The following DISP2 variants were observed in gnomAD, a reference collection of about 807,000 sequenced individuals.
DISP2 encodes the protein protein dispatched homolog 2.
A neutral mutation model predicts 95.5 loss-of-function variants in DISP2; 59 were observed. The observed-to-expected ratio is 0.62, with a 90% CI of 0.50 to 0.77. DISP2 has a LOEUF of 0.77. Among genes scored for constraint, DISP2 ranks in the 30% least tolerant of loss-of-function variants. The pLI is 0.00. For missense variants in DISP2, 1,752 were observed against 1,854.6 expected, an observed-to-expected ratio of 0.94 and a Z score of 1.02; for synonymous variants, 827 against 815.0, an observed-to-expected ratio of 1.01 and a Z score of -0.25.
At chr15:40,363,519 G>A (rs1889439479) in intron 1 of DISP2, 106 bp from the exon 2 acceptor site, 1 of 829,020 alleles carries the variant, frequency 1.2e-6, no homozygotes, top group Non-Finnish European at 1.8e-6. Context: ...AATCAACCCT[G>A]AGTCCCTGTC....
intron 4 of DISP2, 50 bp downstream of exon 4, chr15:40,364,594 C>G: frequency 6.3e-7 from 1 of 1,595,304 alleles, no homozygotes; most frequent in African/African-American, 1.3e-5. Flanking sequence ...CCACCTTGAC[C>G]CAGCCTGGGG....
rs1332338479 is a variant in DISP2, at chr15:40,365,166, C to A, written c.739C>A (p.Leu247Met). The part of the protein sequence containing the change: ...ELNSSSSHNT[L>M]RPAPRGSAQE... ...CTTCAGCTCGAGCTCCCACAACACT[C>A]TGAGGCCTGCACCCAGAGGCAGTGC... Residue 247 changes from leucine (L) to methionine (M), a missense_variant, in exon 6 of 8, where the codon CTG becomes ATG. Physicochemically the swap from Leu to Met is conservative, Grantham distance 15. Transcript: ENST00000267889. The A allele has an allele frequency of 6.2e-7, 1 of 1,614,120 alleles. No homozygotes were observed. Among genetic ancestry groups the A allele is most frequent in the Admixed American group, 1.7e-5 (1 of 60,014 alleles).
chr15:40,368,711 G>A lies in DISP2; in HGVS notation c.2599G>A (p.Ala867Thr). The A allele has an allele frequency of 1.9e-6, 3 of 1,613,234 alleles. No homozygotes were observed. Among genetic ancestry groups the A allele is most frequent in the Non-Finnish European group, 2.5e-6 (3 of 1,180,022 alleles). ...LCCGHSDFPW[A>T]PQFFLHCLKM... ...CTGCGGCCACTCGGACTTCCCCTGGGCCCCCCAGTTTTTCCTGCACTGCCT... is the reference window on the plus strand; with the variant it reads ...CTGCGGCCACTCGGACTTCCCCTGGACCCCCCAGTTTTTCCTGCACTGCCT... The change falls in exon 8 of 8, where the codon GCC becomes ACC. Residue 867 changes from alanine (A) to threonine (T), a missense_variant. Ala to Thr is a moderately conservative substitution (Grantham distance 58). Transcript: ENST00000267889.
Position 40,364,873 on chromosome 15 carries a change from G to A in DISP2, c.639G>A (p.Lys213=), listed in dbSNP as rs575006837. 9.9e-6 allele frequency: 16 copies of A among 1,614,166 alleles called. No homozygotes were observed. In the South Asian group the frequency reaches 1.4e-4, roughly 14 times the overall value. The change falls in exon 5 of 8, where the codon AAG becomes AAA. Residue 213 remains lysine (K), a synonymous_variant. Transcript: ENST00000267889. The stretch of plus-strand genomic sequence containing the variant: ...CACGGGACACAGACATTGGGAGCAA[G>A]TTAGTGGTCTGGAGAGCACTACAAG... ...FEPRDTDIGS[K]LVVWRALQAL...
chr15:40,360,423 G>A (rs1258681250), intron 1 of DISP2, among the ~76,000 whole-genome samples: 1 of 152,308 alleles, frequency 6.6e-6, no homozygotes, highest in Non-Finnish European at 1.5e-5. Flanking sequence ...CTCTACAGCA[G>A]TCAGAATATG....
Position 40,367,476 on chromosome 15 carries a change from G to A in DISP2, c.1364G>A (p.Arg455Gln), listed in dbSNP as rs374719365. Residue 455 changes from arginine to glutamine, a missense_variant, in exon 8 of 8, where the codon CGG becomes CAG. This residue lies in a region of DISP2 where 732 missense variants were observed against 714.6 expected (regional missense o/e 1.02). Coordinates refer to ENST00000267889, the MANE Select transcript of DISP2 (RefSeq NM_033510.3). ...TCCCTCATGGACATCTACCTGGACC[G>A]GCTGGCCACCCCCTGGGGGCTTGCT... ...GASLMDIYLD[R>Q]LATPWGLADN... The A allele has an allele frequency of 1.7e-4, 282 of 1,613,474 alleles. No homozygotes were observed. The highest frequency in any genetic ancestry group is 2.2e-4 in the Non-Finnish European group (262 of 1,179,968).
chr15:40,373,457 AC>A lies in DISP2; in HGVS notation c.*3140del, dbSNP rs1237274170. 6.6e-6 allele frequency: 1 copy of A among 152,246 alleles called. No individual in the cohort carries two copies. Among genetic ancestry groups the A allele is most frequent in the South Asian group, 2.1e-4 (1 of 4,834 alleles). The allele number at this position is 152,246 out of a possible 1,614,324, so 9.4% of individuals were successfully genotyped here. The stretch of plus-strand genomic sequence containing the variant: ...GATGGCTCATGCCTGTAATCCCAGC[AC>A]TTTGGGAGGCTGAGGCAGGTGGATC... On this transcript the variant is annotated 3_prime_UTR_variant, in exon 8 of 8. Coordinates refer to ENST00000267889, the MANE Select transcript of DISP2 (RefSeq NM_033510.3).
chr15:40,374,014 A>AAAAAAAAAAAAAAAAAATAT lies in DISP2; in HGVS notation c.*3697_*3698insAAAAAAAAAAAAAAAATATA. ...GCGAGACTCCATCTTAAAAAAAAAA[A>AAAAAAAAAAAAAAAAAATAT]ATATATATATATATATATGTAAACT... is the stretch of plus-strand genomic sequence containing the variant. On this transcript the variant is annotated 3_prime_UTR_variant, in exon 8 of 8. Transcript: ENST00000267889. 9.6e-6 allele frequency: 1 copy of AAAAAAAAAAAAAAAAAATAT among 104,196 alleles called. No individual in the cohort carries two copies. Among genetic ancestry groups the AAAAAAAAAAAAAAAAAATAT allele is most frequent in the African/African-American group, 4.2e-5 (1 of 23,942 alleles). The allele number at this position is 104,196 out of a possible 1,614,324, so 6.5% of individuals were successfully genotyped here. A position where few individuals can be genotyped will look rare whatever the true frequency, so the allele number is the denominator to read the frequency against.
In DISP2 at chr15:40,369,526, C is replaced by A; in HGVS notation, c.3414C>A (p.Asp1138Glu). The A allele has an allele frequency of 6.2e-7, 1 of 1,612,942 alleles. No individual in the cohort carries two copies. Among genetic ancestry groups the A allele is most frequent in the Non-Finnish European group, 8.5e-7 (1 of 1,179,992 alleles). ...TGCCATGGGATGCTGGTACTGGGGA[C>A]CCTGGTGGGGAGAAGGCAGGCCGCC... ...AHLPWDAGTG[D>E]PGGEKAGRPR... The change falls in exon 8 of 8, where the codon GAC becomes GAA. Residue 1138 changes from aspartate to glutamate, a missense_variant. Asp to Glu is a conservative substitution (Grantham distance 45). Transcript: ENST00000267889.
rs1889602052 is a variant in DISP2, at chr15:40,369,781, A to C, written c.3669A>C (p.Ala1223=). ...SPRELLLDHQ[A]VFSQCPALQT... is the part of the protein sequence containing the mutation. ...GGGAGCTGCTGCTGGACCACCAGGCAGTCTTCAGCCAGTGCCCTGCCCTGC... is the reference window on the plus strand; with the variant it reads ...GGGAGCTGCTGCTGGACCACCAGGCCGTCTTCAGCCAGTGCCCTGCCCTGC... Residue 1223 remains alanine, a synonymous_variant, in exon 8 of 8, where the codon GCA becomes GCC. Transcript: ENST00000267889. 1 of 1,604,894 alleles carries C rather than the reference A, an allele frequency of 6.2e-7. No homozygotes were observed. Among genetic ancestry groups the C allele is most frequent in the Non-Finnish European group, 8.5e-7 (1 of 1,175,832 alleles).
chr15:40,369,060 C>T lies in DISP2; in HGVS notation c.2948C>T (p.Thr983Ile), dbSNP rs766056219. 3.7e-6 allele frequency: 6 copies of T among 1,613,950 alleles called. No homozygotes were observed. The highest frequency in any genetic ancestry group is 5.1e-6 in the Non-Finnish European group (6 of 1,180,052). Residue 983 changes from threonine (T) to isoleucine (I), a missense_variant, in exon 8 of 8, where the codon ACC (threonine) becomes ATC (isoleucine). Transcript: ENST00000267889. The stretch of plus-strand genomic sequence containing the variant: ...GCCTTTGCCACACTGCTCCTGGGCA[C>T]CTGGAATGTTCCCCTCAGCCTATTC... ...ALAFATLLLG[T>I]WNVPLSLFSV...
chr15:40,370,233 C>T lies in DISP2; in HGVS notation c.4121C>T (p.Pro1374Leu), dbSNP rs773737373. The T allele has an allele frequency of 1.4e-5, 23 of 1,598,250 alleles. No individual in the cohort carries two copies. The highest frequency in any genetic ancestry group is 1.7e-5 in the Non-Finnish European group (20 of 1,173,412). ...CGAGGGGGGCCAGGGGATGGCAGCC[C>T]TGTGGTGCTGCCCAATAGCCAGCCA... ...KGRGGPGDGS[P>L]VVLPNSQPDL... The change falls in exon 8 of 8, where the codon CCT becomes CTT. Residue 1374 changes from proline (P) to leucine (L), a missense_variant. Physicochemically the swap from Pro to Leu is moderately conservative, Grantham distance 98. Coordinates refer to ENST00000267889, the MANE Select transcript of DISP2 (RefSeq NM_033510.3).
intron 1 of DISP2, among the ~76,000 whole-genome samples, chr15:40,359,185 C>A (rs1203850089): frequency 1.3e-5 from 2 of 152,200 alleles, no homozygotes; most frequent in African/African-American, 4.8e-5. Context: ...AGCAATATGG[C>A]GCAATTTCTG....
Position 40,370,979 on chromosome 15 carries a change from C to T in DISP2, c.*661C>T, listed in dbSNP as rs1001418259. On this transcript the variant is annotated 3_prime_UTR_variant, in exon 8 of 8. Coordinates refer to ENST00000267889, the MANE Select transcript of DISP2 (RefSeq NM_033510.3). ...TCAGCCTTGGAGCATCTCTCAATTA[C>T]GGGACAGTCCCTCTTTGGAAGCAGG... 20 of 215,974 alleles carry T rather than the reference C, an allele frequency of 9.3e-5. No individual in the cohort carries two copies. Among genetic ancestry groups the T allele is most frequent in the African/African-American group, 2.5e-4 (11 of 44,626 alleles). The allele number at this position is 215,974 out of a possible 1,614,324, so 13.4% of individuals were successfully genotyped here. A position where few individuals can be genotyped will look rare whatever the true frequency, so the allele number is the denominator to read the frequency against.
Position 40,368,147 on chromosome 15 carries a change from CTGCGGA to C in DISP2, c.2036_2041del (p.Leu679_Arg680del). On this transcript the variant is annotated inframe_deletion, in exon 8 of 8. Coordinates refer to ENST00000267889, the MANE Select transcript of DISP2 (RefSeq NM_033510.3). ...GGCGCTGCACCGGCGGCTCCGCGGCCTGCGGAGGGCGGCGGCTGGCACCTCGCGTCT... is the reference window on the plus strand; with the variant it reads ...GGCGCTGCACCGGCGGCTCCGCGGCCGGGCGGCGGCTGGCACCTCGCGTCT... 6.6e-7 allele frequency: 1 copy of C among 1,513,584 alleles called. No homozygotes were observed. Among genetic ancestry groups the C allele is most frequent in the South Asian group, 1.2e-5 (1 of 80,750 alleles). 93.8% of individuals were successfully genotyped at this position (1,513,584 alleles called of 1,614,324 possible).
In DISP2 at chr15:40,368,570, C is replaced by G. The variant is rs779179441; in HGVS notation, c.2458C>G (p.Arg820Gly). ...RWLLALCHRA[R>G]NQSFFDTLQE... The stretch of plus-strand genomic sequence containing the variant: ...GCTGCTGGCACTCTGTCACCGGGCC[C>G]GGAATCAGAGCTTCTTCGACACCCT... The change falls in exon 8 of 8, where the codon CGG (arginine) becomes GGG (glycine). Residue 820 changes from arginine to glycine, a missense_variant. Around this residue, in one of 5 missense-constraint regions of DISP2, gnomAD observed 732 missense variants for 714.6 expected, o/e 1.02. Coordinates refer to ENST00000267889, the MANE Select transcript of DISP2 (RefSeq NM_033510.3). The G allele has an allele frequency of 2.7e-5, 44 of 1,604,216 alleles. No individual in the cohort carries two copies. The Middle Eastern group carries it at 4.9e-4, about 18-fold the overall frequency.
In DISP2 at chr15:40,369,228, C is replaced by T. The variant is rs776756479; in HGVS notation, c.3116C>T (p.Ser1039Phe). 4 of 1,613,822 alleles carry T rather than the reference C, an allele frequency of 2.5e-6. No homozygotes were observed. In the Admixed American group the frequency reaches 5.0e-5, roughly 20 times the overall value. Residue 1039 changes from serine (S) to phenylalanine (F), a missense_variant, in exon 8 of 8, where the codon TCC becomes TTC. Around this residue, in one of 5 missense-constraint regions of DISP2, gnomAD observed 317 missense variants for 394.9 expected, o/e 0.80. Transcript: ENST00000267889. Reference sequence around the variant, plus strand: ...GACTTCACTGTCAACTACTGCATCTCCTATCACCTGTGCCCACACCCTGAC... The same window carrying T: ...GACTTCACTGTCAACTACTGCATCTTCTATCACCTGTGCCCACACCCTGAC... ...SVDFTVNYCI[S>F]YHLCPHPDRL...
chr15:40,368,185 C>T lies in DISP2; in HGVS notation c.2073C>T (p.Phe691=). Residue 691 remains phenylalanine, a synonymous_variant, in exon 8 of 8, where the codon TTC becomes TTT. Transcript: ENST00000267889. ...RAAAGTSRLL[F]QRLLPCGVIK... Reference sequence around the variant, plus strand: ...CGGCTGGCACCTCGCGTCTGCTCTTCCAGCGCCTGCTGCCCTGCGGCGTCA... The same window carrying T: ...CGGCTGGCACCTCGCGTCTGCTCTTTCAGCGCCTGCTGCCCTGCGGCGTCA... 5.6e-6 allele frequency: 9 copies of T among 1,600,742 alleles called. No homozygotes were observed. Among genetic ancestry groups the T allele is most frequent in the Non-Finnish European group, 6.0e-6 (7 of 1,176,264 alleles).
chr15:40,364,046 C>T, intron 2 of DISP2, 92 bp downstream of exon 2: 2 of 1,477,062 alleles, frequency 1.4e-6, no homozygotes, highest in Non-Finnish European at 1.8e-6. Flanking sequence ...AGACTCCTTT[C>T]TTAGGAGGCA....
Sources: allele counts gnomAD v4.1 joint callset (sites outside exome capture counted in the v4.1 genomes callset), GRCh38; gene constraint gnomAD v4.1.1; regional missense constraint gnomAD v4.1.1; transcripts MANE v1.5; gene names NCBI Gene and HGNC (gene_info 2026-07-23, HGNC 2026-07-21).